The following ACBD7 variants were observed in gnomAD, a reference collection of about 807,000 sequenced individuals.
ACBD7 encodes acyl-CoA binding domain containing 7, also known as acyl-CoA-binding domain-containing protein 7.
In ACBD7, 11 loss-of-function variants were observed where a neutral mutation model predicts 13.7. That is an observed-to-expected ratio of 0.80 (90% confidence interval 0.50 to 1.33). ACBD7 has a LOEUF of 1.33. ACBD7 is among the 40% of genes most tolerant of loss of function. ACBD7 has a pLI of 0.00. For synonymous variants in ACBD7, 43 were observed against 37.7 expected (o/e 1.14, Z -0.51); for missense variants, 111 against 103.0 (o/e 1.08, Z -0.33).
rs1304431053 is a variant in ACBD7, at chr10:15,076,752, C to T, written c.*1778G>A. 1.0e-6 allele frequency: 1 copy of T among 974,756 alleles called. No individual in the cohort carries two copies. Among genetic ancestry groups the T allele is most frequent in the Admixed American group, 6.2e-5 (1 of 16,238 alleles). 60.4% of individuals were successfully genotyped at this position (974,756 alleles called of 1,614,324 possible). ...CTTCTGACCTCAGTAATCCACCTAC[C>T]TCGGCCTCCCAAAGTGCTGAGATTA... On this transcript the variant is annotated 3_prime_UTR_variant, in exon 4 of 4. Coordinates refer to ENST00000356189, the MANE Select transcript of ACBD7 (RefSeq NM_001039844.3).
chr10:15,082,761 G>A (rs1176936331), intron 1 of ACBD7, among the ~76,000 whole-genome samples: 4 of 152,118 alleles, frequency 2.6e-5, no homozygotes, highest in South Asian at 2.1e-4. Flanking sequence ...TGAGGGCTGG[G>A]TGCAGTGGCT....
Position 15,078,597 on chromosome 10 carries a change from G to A in ACBD7, c.200C>T (p.Ser67Leu), listed in dbSNP as rs1323465139. 6.2e-6 allele frequency: 10 copies of A among 1,613,844 alleles called. No individual in the cohort carries two copies. Among genetic ancestry groups the A allele is most frequent in the Middle Eastern group, 1.6e-4 (1 of 6,084 alleles). ...WEAWNLKKGL[S>L]TEDATSAYIS... The stretch of plus-strand genomic sequence containing the variant: ...ATAGGCACTCGTCGCATCTTCCGTC[G>A]ACAACCCTAGAAAGATACAAACAGG... The change falls in exon 4 of 4, where the codon TCG (serine) becomes TTG (leucine). Residue 67 changes from serine (S) to leucine (L), a missense_variant. Physicochemically the swap from Ser to Leu is moderately radical, Grantham distance 145. Transcript: ENST00000356189.
In ACBD7 at chr10:15,088,761, TGTC is replaced by T. The variant is rs776984009; in HGVS notation, c.-36_-34del. 6 of 1,599,058 alleles carry T rather than the reference TGTC, an allele frequency of 3.8e-6. No individual in the cohort carries two copies. In the African/African-American group the frequency reaches 5.5e-5, roughly 15 times the overall value. On this transcript the variant is annotated 5_prime_UTR_variant, in exon 1 of 4. Transcript: ENST00000356189. ...GCTGCCGCGTTGTTGCTGCTGCTGT[TGTC>T]GTCCGGTGCTCTGCCCCCTCTCGCA...
At position 15,076,230 on chromosome 10, in the gene ACBD7, A is replaced by G; in HGVS notation, c.*2300T>C. ...ATATTTATCTTAAGGGATCTCAAAC[A>G]ATTTTTTGAATTGTTAACATGAGAC... On this transcript the variant is annotated 3_prime_UTR_variant, in exon 4 of 4. Transcript: ENST00000356189. 1 of 985,336 alleles carries G rather than the reference A, an allele frequency of 1.0e-6. No individual in the cohort carries two copies. The highest frequency in any genetic ancestry group is 1.2e-6 in the Non-Finnish European group (1 of 829,914). 61.0% of individuals were successfully genotyped at this position (985,336 alleles called of 1,614,324 possible). A position where few individuals can be genotyped will look rare whatever the true frequency, so the allele number is the denominator to read the frequency against.
intron 1 of ACBD7, among the ~76,000 whole-genome samples, chr10:15,082,282 T>TCAAAA (rs1844759237): frequency 1.6e-5 from 1 of 61,260 alleles, no homozygotes; most frequent in Non-Finnish European, 2.9e-5. Flanking sequence ...CAAGACTATC[T>TCAAAA]CAAAAAAAAA....
chr10:15,078,640 G>A (rs1316398512), intron 3 of ACBD7, 37 bp from the exon 4 acceptor site: 2 of 1,613,888 alleles, frequency 1.2e-6, no homozygotes, highest in Non-Finnish European at 1.7e-6. Flanking sequence ...CCTGATTGGT[G>A]CACTGGGAAA....
chr10:15,083,894 G>A lies in ACBD7; in HGVS notation c.12+4823C>T, dbSNP rs1259433405. 2.6e-5 allele frequency among the ~76,000 whole-genome samples: 4 copies of A among 152,230 alleles called. No homozygotes were observed. In the East Asian group the frequency reaches 7.7e-4, roughly 29 times the overall value. ...TTACTGAACACCTCCGACAGGCCAG[G>A]CCTTTGCCAGGCAGATGGGCATGCA... On this transcript the variant is annotated intron_variant, in intron 1 of 3. Transcript: ENST00000356189.
chr10:15,077,025 G>T lies in ACBD7; in HGVS notation c.*1505C>A. ...GTACAACCTCTATGAAAAACAGCACGGAAATTTCTCATGGAACTAAAAATA... is the reference window on the plus strand; with the variant it reads ...GTACAACCTCTATGAAAAACAGCACTGAAATTTCTCATGGAACTAAAAATA... On this transcript the variant is annotated 3_prime_UTR_variant, in exon 4 of 4. Coordinates refer to ENST00000356189, the MANE Select transcript of ACBD7 (RefSeq NM_001039844.3). 1.3e-6 allele frequency: 1 copy of T among 748,758 alleles called. No individual in the cohort carries two copies. Among genetic ancestry groups the T allele is most frequent in the Non-Finnish European group, 1.6e-6 (1 of 614,030 alleles). 46.4% of individuals were successfully genotyped at this position (748,758 alleles called of 1,614,324 possible).
At chr10:15,082,961 C>A (rs1007747536) in intron 1 of ACBD7, among the ~76,000 whole-genome samples, 1 of 152,052 alleles carries the variant, frequency 6.6e-6, no homozygotes, top group Non-Finnish European at 1.5e-5. Flanking sequence ...TAGTTTGAAC[C>A]CAGGAGCAGA....
chr10:15,088,435 G>A (rs1844833809), intron 1 of ACBD7: 4 of 507,044 alleles, frequency 7.9e-6, no homozygotes, highest in Non-Finnish European at 1.4e-5. Context: ...CTCGGAGACG[G>A]AGAGGAGGAG....
At position 15,077,470 on chromosome 10, in the gene ACBD7, G is replaced by A. The variant is rs565132246; in HGVS notation, c.*1060C>T. 6 of 152,262 alleles carry A rather than the reference G, an allele frequency of 3.9e-5. No homozygotes were observed. In the South Asian group the frequency reaches 1.0e-3, roughly 26 times the overall value. The allele number at this position is 152,262 out of a possible 1,614,324, so 9.4% of individuals were successfully genotyped here. ...GTGGAATAATAGACACTGGAGGCTT[G>A]GAAAGGTGGGAGGGGGTGAGGGATG... On this transcript the variant is annotated 3_prime_UTR_variant, in exon 4 of 4. Coordinates refer to ENST00000356189, the MANE Select transcript of ACBD7 (RefSeq NM_001039844.3).
chr10:15,077,423 G>A lies in ACBD7; in HGVS notation c.*1107C>T, dbSNP rs1352886606. ...TCACTTATAAGTGGGAGTTAAACAG[G>A]GTGTATACAGGGTCATGGAGTGTGG... On this transcript the variant is annotated 3_prime_UTR_variant, in exon 4 of 4. Coordinates refer to ENST00000356189, the MANE Select transcript of ACBD7 (RefSeq NM_001039844.3). 1.3e-5 allele frequency: 2 copies of A among 152,112 alleles called. No homozygotes were observed. Among genetic ancestry groups the A allele is most frequent in the Non-Finnish European group, 2.9e-5 (2 of 68,028 alleles). The allele number at this position is 152,112 out of a possible 1,614,324, so 9.4% of individuals were successfully genotyped here. A position where few individuals can be genotyped will look rare whatever the true frequency, so the allele number is the denominator to read the frequency against.
intron 1 of ACBD7, among the ~76,000 whole-genome samples, chr10:15,086,753 C>T (rs1844813660): frequency 6.6e-6 from 1 of 151,984 alleles, no homozygotes; most frequent in South Asian, 2.1e-4. Context: ...GTGGCTCACA[C>T]CTGTAATCCA....
chr10:15,088,599 G>T, intron 1 of ACBD7, 118 bp downstream of exon 1: 1 of 1,348,946 alleles, frequency 7.4e-7, no homozygotes, highest in Non-Finnish European at 1.0e-6. Context: ...GAAGGAGTGG[G>T]CGTGTCCCCC....
In ACBD7 at chr10:15,076,208, T is replaced by C. The variant is rs1844679704; in HGVS notation, c.*2322A>G. The C allele has an allele frequency of 9.1e-6, 9 of 985,306 alleles. No individual in the cohort carries two copies. Among genetic ancestry groups the C allele is most frequent in the Non-Finnish European group, 1.1e-5 (9 of 829,894 alleles). The allele number at this position is 985,306 out of a possible 1,614,324, so 61.0% of individuals were successfully genotyped here. A position where few individuals can be genotyped will look rare whatever the true frequency, so the allele number is the denominator to read the frequency against. ...TAGAGGTACACTGTTTTGGGGGATA[T>C]TTATCTTAAGGGATCTCAAACAATT... On this transcript the variant is annotated 3_prime_UTR_variant, in exon 4 of 4. Coordinates refer to ENST00000356189, the MANE Select transcript of ACBD7 (RefSeq NM_001039844.3).
chr10:15,079,266 T>C (rs983506858), intron 1 of ACBD7, among the ~76,000 whole-genome samples: 14 of 119,874 alleles, frequency 1.2e-4, no homozygotes, highest in African/African-American at 4.3e-4. Flanking sequence ...TCGGTTTAAC[T>C]TCTTTTTTTT....
Position 15,078,599 on chromosome 10 carries a change from C to T in ACBD7, c.198G>A (p.Leu66=), listed in dbSNP as rs865967443. 1.2e-6 allele frequency: 2 copies of T among 1,614,040 alleles called. No homozygotes were observed. Among genetic ancestry groups the T allele is most frequent in the Non-Finnish European group, 1.7e-6 (2 of 1,180,040 alleles). ...AGGCACTCGTCGCATCTTCCGTCGA[C>T]AACCCTAGAAAGATACAAACAGGTT... The part of the protein sequence containing the change: ...KWEAWNLKKG[L]STEDATSAYI... The change falls in exon 4 of 4, where the codon TTG becomes TTA. Residue 66 remains leucine, a synonymous_variant. Coordinates refer to ENST00000356189, the MANE Select transcript of ACBD7 (RefSeq NM_001039844.3).
At chr10:15,088,542 C>G in intron 1 of ACBD7, 175 bp downstream of exon 1, 1 of 889,928 alleles carries the variant, frequency 1.1e-6, no homozygotes, top group East Asian at 3.3e-5. Flanking sequence ...CCTGGCTCGC[C>G]GTCAGCAGGC....
chr10:15,079,441 A>ATTTTTGTAT (rs1844723939), intron 1 of ACBD7, among the ~76,000 whole-genome samples: 1 of 148,282 alleles, frequency 6.7e-6, no homozygotes, highest in Non-Finnish European at 1.5e-5. Context: ...CACTCGGCTA[A>ATTTTTGTAT]TTTTTGTATT....
Sources: allele counts gnomAD v4.1 joint callset (sites outside exome capture counted in the v4.1 genomes callset), GRCh38; gene constraint gnomAD v4.1.1; transcripts MANE v1.5; gene names NCBI Gene and HGNC (gene_info 2026-07-23, HGNC 2026-07-21).